Variants in GREB1L observed in about 807,000 individuals in gnomAD.
The protein encoded by GREB1L is GREB1-like protein.
GREB1L carries 17 observed loss-of-function variants against 200.8 expected under a neutral mutation model. The observed-to-expected ratio is 0.08, with a 90% CI of 0.06 to 0.13. GREB1L has a LOEUF of 0.13. GREB1L is among the 10% of genes least tolerant of loss of function. The pLI is 1.00. For synonymous variants in GREB1L, 789 were observed against 893.0 expected, an observed-to-expected ratio of 0.88 and a Z score of 2.08; for missense variants, 1,657 against 2,367.7, an observed-to-expected ratio of 0.70 and a Z score of 6.23.
At chr18:21,497,276 A>AT (rs2036581534) in intron 21 of GREB1L, among the ~76,000 whole-genome samples, 1 of 152,152 alleles carries the variant, frequency 6.6e-6, no homozygotes. Context: ...TTTTCTTCTG[A>AT]TAAATTGTAT....
chr18:21,511,549 TA>T (rs542386580), intron 27 of GREB1L, among the ~76,000 whole-genome samples: 12 of 152,360 alleles, frequency 7.9e-5, no homozygotes, highest in African/African-American at 2.9e-4. Flanking sequence ...TTTTAGCTTT[TA>T]TGTCTAGGTC....
At position 21,319,607 on chromosome 18, in the gene GREB1L, A is replaced by G. The variant is rs553975494; in HGVS notation, c.-119-46420A>G. ...CAGAGATCTTAAAAAGGCAACTAGG[A>G]AAAAGAGAAACAGATGTTAAACCTC... is the stretch of plus-strand genomic sequence containing the variant. On this transcript the variant is annotated intron_variant, in intron 1 of 32. Transcript: ENST00000424526. Among the ~76,000 whole-genome samples, 10 of 152,360 alleles carry G rather than the reference A, an allele frequency of 6.6e-5. No individual in the cohort carries two copies. The East Asian group carries it at 1.9e-3, about 29-fold the overall frequency.
At chr18:21,252,109 T>C (rs1335731914) in intron 1 of GREB1L, among the ~76,000 whole-genome samples, 1 of 152,198 alleles carries the variant, frequency 6.6e-6, no homozygotes, top group Non-Finnish European at 1.5e-5. Context: ...GAAAAATGCT[T>C]AGCCTTATTA....
chr18:21,508,716 A>G (rs1180164379), intron 27 of GREB1L, 125 bp downstream of exon 27: 16 of 247,358 alleles, frequency 6.5e-5, no homozygotes, highest in African/African-American at 2.2e-4. Context: ...CACTCTTCGG[A>G]AAAAAAAAAA....
chr18:21,293,230 T>C lies in GREB1L; in HGVS notation c.-120+50837T>C, dbSNP rs1194366212. Among the ~76,000 whole-genome samples the C allele has an allele frequency of 2.0e-5, 3 of 152,238 alleles. No homozygotes were observed. In the East Asian group the frequency reaches 5.8e-4, roughly 29 times the overall value. ...TGCATGTAAGAGACTGCAGAACTGATTTGCACCCTCTCACATGAGAGGGAT... is the reference window on the plus strand; with the variant it reads ...TGCATGTAAGAGACTGCAGAACTGACTTGCACCCTCTCACATGAGAGGGAT... On this transcript the variant is annotated intron_variant, in intron 1 of 32. Coordinates refer to ENST00000424526, the MANE Select transcript of GREB1L (RefSeq NM_001142966.3).
At chr18:21,520,068 C>G (rs2146125594) in intron 31 of GREB1L, among the ~76,000 whole-genome samples, 1 of 152,220 alleles carries the variant, frequency 6.6e-6, no homozygotes, top group South Asian at 2.1e-4. Context: ...TCCTGAGTAG[C>G]TGGGATTACA....
At chr18:21,332,612 T>C (rs775718183) in intron 1 of GREB1L, among the ~76,000 whole-genome samples, 2 of 152,118 alleles carry the variant, frequency 1.3e-5, no homozygotes, top group Non-Finnish European at 2.9e-5. Context: ...GTAGCTGAGA[T>C]TACAGGTGCC....
intron 19 of GREB1L, among the ~76,000 whole-genome samples, chr18:21,490,826 G>A (rs1168822612): frequency 6.6e-6 from 1 of 152,140 alleles, no homozygotes. Context: ...TCAGTACTCA[G>A]AACTGTTCCT....
intron 7 of GREB1L, among the ~76,000 whole-genome samples, chr18:21,408,658 G>A (rs536377444): frequency 2.0e-5 from 3 of 152,136 alleles, no homozygotes; most frequent in African/African-American, 7.2e-5. Flanking sequence ...GCCAGGTGTG[G>A]TGGTGCATGC....
chr18:21,410,976 C>A lies in GREB1L; in HGVS notation c.832+6982C>A, dbSNP rs572972556. Among the ~76,000 whole-genome samples the A allele has an allele frequency of 1.1e-3, 162 of 148,306 alleles. 1 individual carries two copies. The highest frequency in any genetic ancestry group is 3.4e-3 in the African/African-American group (137 of 40,376). On this transcript the variant is annotated intron_variant, in intron 7 of 32. Transcript: ENST00000424526. Reference sequence around the variant, plus strand: ...ATCTTAAGAAAAACAAAAACAAAAACAAAAAAAAAGAATACTTATGAATTA... The same window carrying A: ...ATCTTAAGAAAAACAAAAACAAAAAAAAAAAAAAAGAATACTTATGAATTA...
At chr18:21,500,348 G>A in intron 22 of GREB1L, 42 bp downstream of exon 22, 2 of 922,020 alleles carry the variant, frequency 2.2e-6, no homozygotes, top group African/African-American at 1.6e-5. Flanking sequence ...GGCTGGGGTT[G>A]GCGCGTCTTC....
At chr18:21,374,548 T>C (rs776844801) in intron 2 of GREB1L, among the ~76,000 whole-genome samples, 6 of 152,160 alleles carry the variant, frequency 3.9e-5, no homozygotes, top group Non-Finnish European at 5.9e-5. Flanking sequence ...TTCAAATGAG[T>C]TATTACTTAG....
At chr18:21,423,549 A>G (rs976126178) in intron 7 of GREB1L, among the ~76,000 whole-genome samples, 10 of 152,162 alleles carry the variant, frequency 6.6e-5, no homozygotes, top group African/African-American at 2.4e-4. Flanking sequence ...TTCCTCAAAG[A>G]ATTATCCTTC....
At chr18:21,358,255 G>A (rs2039533238) in intron 1 of GREB1L, among the ~76,000 whole-genome samples, 1 of 151,826 alleles carries the variant, frequency 6.6e-6, no homozygotes, top group South Asian at 2.1e-4. Flanking sequence ...ATAATTTGTG[G>A]TTAGCATATA....
intron 1 of GREB1L, among the ~76,000 whole-genome samples, chr18:21,309,022 A>C (rs1354674508): frequency 6.6e-6 from 1 of 152,244 alleles, no homozygotes; most frequent in Non-Finnish European, 1.5e-5. Context: ...TAGAGTATCA[A>C]GGAAGCCCTT....
At chr18:21,311,355 A>G (rs1479057483) in intron 1 of GREB1L, among the ~76,000 whole-genome samples, 1 of 152,232 alleles carries the variant, frequency 6.6e-6, no homozygotes, top group African/African-American at 2.4e-5. Flanking sequence ...GACAATATAA[A>G]TAGTTAATAG....
At chr18:21,410,153 C>T (rs2030787374) in intron 7 of GREB1L, among the ~76,000 whole-genome samples, 1 of 151,968 alleles carries the variant, frequency 6.6e-6, no homozygotes, top group African/African-American at 2.4e-5. Context: ...TGTTTTATCC[C>T]TTAGCTTGTA....
intron 1 of GREB1L, among the ~76,000 whole-genome samples, chr18:21,320,945 T>TA (rs1440317686): frequency 6.6e-6 from 1 of 152,180 alleles, no homozygotes; most frequent in Non-Finnish European, 1.5e-5. Flanking sequence ...ACAAGTCTGA[T>TA]ATTTGCATAA....
At position 21,525,568 on chromosome 18, in the gene GREB1L, A is replaced by G. The variant is rs1439168071; in HGVS notation, c.*2747A>G. 6.6e-6 allele frequency among the ~76,000 whole-genome samples: 1 copy of G among 152,054 alleles called. No individual in the cohort carries two copies. Among genetic ancestry groups the G allele is most frequent in the Non-Finnish European group, 1.5e-5 (1 of 68,050 alleles). On this transcript the variant is annotated 3_prime_UTR_variant, in exon 33 of 33. Coordinates refer to ENST00000424526, the MANE Select transcript of GREB1L (RefSeq NM_001142966.3). ...GAGGTGTTGAAAACATACATAGTAG[A>G]TACCAATCTTTTATTTGACAGATTG...
Sources: allele counts gnomAD v4.1 joint callset (sites outside exome capture counted in the v4.1 genomes callset), GRCh38; gene constraint gnomAD v4.1.1; transcripts MANE v1.5; gene names NCBI Gene and HGNC (gene_info 2026-07-23, HGNC 2026-07-21).